The following TCF4 variants were observed in gnomAD, a reference collection of about 807,000 sequenced individuals.
TCF4 encodes the protein transcription factor 4, also known as SL3-3 enhancer factor 2.
In TCF4, 3 loss-of-function variants were observed where a neutral mutation model predicts 82.1. The observed-to-expected ratio is 0.04, with a 90% CI of 0.02 to 0.09. The LOEUF is 0.09. Among genes scored for constraint, TCF4 ranks in the 10% least tolerant of loss-of-function variants. TCF4 has a pLI of 1.00. For synonymous variants in TCF4, 276 were observed against 309.6 expected (o/e 0.89, Z 1.14); for missense variants, 518 against 852.7 (o/e 0.61, Z 4.89).
At chr18:55,546,421 G>T (rs1357504329) in intron 3 of TCF4, among the ~76,000 whole-genome samples, 1 of 152,076 alleles carries the variant, frequency 6.6e-6, no homozygotes, top group Non-Finnish European at 1.5e-5. Flanking sequence ...AAAAGTAAAA[G>T]AATCATAATG....
rs2077740461 is a variant in TCF4 at position 55,332,336 on chromosome 18, TA to T, written c.549+18022del. The stretch of plus-strand genomic sequence containing the variant: ...GCAGTACAGAAAAAAAAAAACAGCT[TA>T]AAAAATTATTTTGTTGCATTGTTAA... On this transcript the variant is annotated intron_variant, in intron 8 of 19. Coordinates refer to ENST00000354452, the MANE Select transcript of TCF4 (RefSeq NM_001083962.2). 5 of 151,700 alleles carry T rather than the reference TA, an allele frequency of 3.3e-5. No homozygotes were observed. The South Asian group carries it at 6.2e-4, about 19-fold the overall frequency. 9.4% of individuals were successfully genotyped at this position (151,700 alleles called of 1,614,324 possible). A position where few individuals can be genotyped will look rare whatever the true frequency, so the allele number is the denominator to read the frequency against.
At chr18:55,310,440 A>C (rs912100447) in intron 8 of TCF4, among the ~76,000 whole-genome samples, 7 of 152,174 alleles carry the variant, frequency 4.6e-5, no homozygotes, top group African/African-American at 7.2e-5. Context: ...ACTAGCTCCA[A>C]AATGTGGCAC....
At chr18:55,624,699 G>A (rs2097724785) in intron 2 of TCF4, among the ~76,000 whole-genome samples, 1 of 151,666 alleles carries the variant, frequency 6.6e-6, no homozygotes, top group African/African-American at 2.4e-5. Context: ...TCTACATTCT[G>A]AAAACAAACC....
chr18:55,234,396 A>T, intron 16 of TCF4, 152 bp downstream of exon 16: 1 of 1,063,760 alleles, frequency 9.4e-7, no homozygotes, highest in Non-Finnish European at 1.4e-6. Flanking sequence ...CGAAGTTCTA[A>T]ATACTTTGCC....
intron 10 of TCF4, among the ~76,000 whole-genome samples, chr18:55,275,325 C>T (rs1310213017): frequency 4.4e-5 from 6 of 136,220 alleles, no homozygotes; most frequent in African/African-American, 1.4e-4. Context: ...TAAGATTCTA[C>T]AACTTAAATA....
At chr18:55,234,519 T>C in intron 16 of TCF4, 29 bp downstream of exon 16, 1 of 1,613,998 alleles carries the variant, frequency 6.2e-7, no homozygotes, top group Non-Finnish European at 8.5e-7. Context: ...GAAAGTGAGG[T>C]CAGAAGTGCC....
At chr18:55,254,200 C>G (rs140185430) in intron 15 of TCF4, among the ~76,000 whole-genome samples, 1 of 152,076 alleles carries the variant, frequency 6.6e-6, no homozygotes, top group Non-Finnish European at 1.5e-5. Context: ...AGGAAGTAGA[C>G]AAGTGGTTGC....
At chr18:55,570,889 CAAAAAA>C (rs201400921) in intron 3 of TCF4, among the ~76,000 whole-genome samples, 2 of 67,814 alleles carry the variant, frequency 2.9e-5, no homozygotes, top group African/African-American at 5.7e-5. Context: ...GACCCTGCCT[CAAAAAA>C]AAAAAAAAAA....
chr18:55,259,647 G>T, intron 13 of TCF4: 1 of 310,372 alleles, frequency 3.2e-6, no homozygotes, highest in Non-Finnish European at 6.0e-6. Flanking sequence ...CGTTTTATTG[G>T]AATACATTAT....
chr18:55,562,422 A>C (rs565832230), intron 3 of TCF4, among the ~76,000 whole-genome samples: 1 of 152,380 alleles, frequency 6.6e-6, no homozygotes, highest in East Asian at 1.9e-4. Flanking sequence ...TTATAAAATC[A>C]AACCACGGAA....
intron 8 of TCF4, among the ~76,000 whole-genome samples, chr18:55,314,888 G>A (rs1169242143): frequency 6.6e-6 from 1 of 152,056 alleles, no homozygotes; most frequent in Non-Finnish European, 1.5e-5. Flanking sequence ...CATTATTGGT[G>A]CAGTCATTCA....
chr18:55,506,723 C>T (rs1183986982), intron 3 of TCF4, among the ~76,000 whole-genome samples: 1 of 152,118 alleles, frequency 6.6e-6, no homozygotes, highest in Non-Finnish European at 1.5e-5. Flanking sequence ...TCTATATACG[C>T]TATGATTTTT....
intron 5 of TCF4, 31 bp downstream of exon 5, chr18:55,460,988 A>C (rs753090885): frequency 1.3e-6 from 2 of 1,593,306 alleles, no homozygotes; most frequent in Admixed American, 1.7e-5. Flanking sequence ...GAGCATTCAA[A>C]AAGTGTAAGT....
intron 3 of TCF4, among the ~76,000 whole-genome samples, chr18:55,567,965 G>A (rs1362043275): frequency 1.3e-5 from 2 of 151,780 alleles, no homozygotes; most frequent in East Asian, 3.9e-4. Context: ...AAATTTTGAA[G>A]GCACCAAAAA....
intron 6 of TCF4, among the ~76,000 whole-genome samples, chr18:55,360,065 C>T (rs967774641): frequency 2.6e-5 from 4 of 152,030 alleles, no homozygotes; most frequent in African/African-American, 4.8e-5. Flanking sequence ...TCAGTAGTGC[C>T]GTATTCTTTC....
intron 8 of TCF4, among the ~76,000 whole-genome samples, chr18:55,287,867 A>G (rs1206681009): frequency 6.6e-6 from 1 of 152,214 alleles, no homozygotes; most frequent in Non-Finnish European, 1.5e-5. Context: ...TGGCTGCAGT[A>G]TATTTTTCAA....
At chr18:55,381,430 C>T (rs183367349) in intron 6 of TCF4, among the ~76,000 whole-genome samples, 249 of 152,330 alleles carry the variant, frequency 1.6e-3, no homozygotes, top group Non-Finnish European at 2.8e-3. Context: ...TAACTAAGTA[C>T]AGGCCTATGC....
At chr18:55,617,462 G>C (rs1308503118) in intron 2 of TCF4, among the ~76,000 whole-genome samples, 1 of 151,706 alleles carries the variant, frequency 6.6e-6, no homozygotes, top group Admixed American at 6.6e-5. Context: ...TTCCATTTCT[G>C]TAAAGAAAAT....
chr18:55,254,469 T>C, intron 15 of TCF4, 28 bp downstream of exon 15: 4 of 1,602,304 alleles, frequency 2.5e-6, no homozygotes, highest in Admixed American at 1.7e-5. Context: ...ATATGATAAC[T>C]ATAGAGTCTA....
Sources: allele counts gnomAD v4.1 joint callset (sites outside exome capture counted in the v4.1 genomes callset), GRCh38; gene constraint gnomAD v4.1.1; transcripts MANE v1.5; gene names NCBI Gene and HGNC (gene_info 2026-07-23, HGNC 2026-07-21).